FOXP2: variants seen among roughly 807,000 people sequenced by gnomAD.
The protein encoded by FOXP2 is forkhead box P2, also known as forkhead box protein P2.
In FOXP2, 12 loss-of-function variants were observed where a neutral mutation model predicts 115.8. The observed-to-expected ratio is 0.10, with a 90% CI of 0.07 to 0.17. The LOEUF is 0.17. Among genes scored for constraint, FOXP2 ranks in the 10% least tolerant of loss-of-function variants. FOXP2 has a pLI of 1.00. For synonymous variants in FOXP2, 328 were observed against 297.7 expected, an observed-to-expected ratio of 1.10 and a Z score of -1.05; for missense variants, 629 against 843.5, an observed-to-expected ratio of 0.75 and a Z score of 3.15.
intron 1 of FOXP2, among the ~76,000 whole-genome samples, chr7:114,134,709 T>C (rs1173882765): frequency 5.5e-5 from 2 of 36,460 alleles, no homozygotes; most frequent in Admixed American, 3.4e-4. Flanking sequence ...CGAGACTCCG[T>C]CTCAAAAAAA....
chr7:114,466,733 C>T (rs976985218), intron 2 of FOXP2, among the ~76,000 whole-genome samples: 24 of 152,114 alleles, frequency 1.6e-4, no homozygotes, highest in African/African-American at 5.3e-4. Context: ...TTTTAGGAAT[C>T]GTTGCCAGAT....
At chr7:114,322,512 T>A (rs1424999777) in intron 2 of FOXP2, among the ~76,000 whole-genome samples, 1 of 152,044 alleles carries the variant, frequency 6.6e-6, no homozygotes, top group East Asian at 2.0e-4. Context: ...TTACATTTAA[T>A]TTTCCCCTGC....
chr7:114,678,322 G>A (rs896092950), intron 16 of FOXP2, among the ~76,000 whole-genome samples: 1 of 152,116 alleles, frequency 6.6e-6, no homozygotes, highest in African/African-American at 2.4e-5. Context: ...CCTCAGGACA[G>A]GCAGCCTGCC....
At chr7:114,475,261 G>A (rs1031062861) in intron 2 of FOXP2, among the ~76,000 whole-genome samples, 5 of 151,940 alleles carry the variant, frequency 3.3e-5, no homozygotes, top group African/African-American at 9.7e-5. Flanking sequence ...ATGTGAGTCC[G>A]TTACTTGTCT....
At chr7:114,454,730 A>G (rs10281882) in intron 2 of FOXP2, among the ~76,000 whole-genome samples, 53,335 of 106,574 alleles carry the variant, frequency 0.5, 12,433 homozygotes, top group African/African-American at 0.7. Flanking sequence ...GGACATGGAT[A>G]AAATTGGAAA....
chr7:114,156,367 A>C (rs1792671200), intron 1 of FOXP2, among the ~76,000 whole-genome samples: 1 of 152,088 alleles, frequency 6.6e-6, no homozygotes, highest in Admixed American at 6.5e-5. Context: ...AGGAGTTCTG[A>C]AGCCAGCTAC....
intron 2 of FOXP2, among the ~76,000 whole-genome samples, chr7:114,365,834 T>TG (rs1791866144): frequency 3.9e-5 from 6 of 152,268 alleles, no homozygotes; most frequent in Non-Finnish European, 8.8e-5. Flanking sequence ...CAATTACATC[T>TG]CTACCATCTA....
At position 114,691,042 on chromosome 7, in the gene FOXP2, G is replaced by A. The variant is rs755885358; in HGVS notation, c.*1116G>A. ...GACAGAGGTGAGGACAAAATCCGCA[G>A]TGGAAGTTATGATATGCTAGAAAGC... On this transcript the variant is annotated 3_prime_UTR_variant, in exon 17 of 17. Transcript: ENST00000350908. 4 of 454,180 alleles carry A rather than the reference G, an allele frequency of 8.8e-6. No individual in the cohort carries two copies. Among genetic ancestry groups the A allele is most frequent in the South Asian group, 6.2e-5 (4 of 64,476 alleles). 28.1% of individuals were successfully genotyped at this position (454,180 alleles called of 1,614,324 possible).
At chr7:114,659,247 G>T (rs896743964) in intron 11 of FOXP2, 109 bp from the exon 12 acceptor site, 1 of 794,142 alleles carries the variant, frequency 1.3e-6, no homozygotes, top group South Asian at 1.5e-5. Context: ...TTCACTAGTC[G>T]GTGGCTTCCT....
At chr7:114,313,483 C>T (rs1797195657) in intron 2 of FOXP2, among the ~76,000 whole-genome samples, 1 of 53,888 alleles carries the variant, frequency 1.9e-5, no homozygotes, top group Non-Finnish European at 3.3e-5. Flanking sequence ...CGGTGGCTCA[C>T]GCCTGTAATC....
intron 2 of FOXP2, among the ~76,000 whole-genome samples, chr7:114,371,223 G>A (rs1791997411): frequency 6.6e-6 from 1 of 151,366 alleles, no homozygotes; most frequent in Non-Finnish European, 1.5e-5. Flanking sequence ...TGGAACTAGA[G>A]GCACATGCCA....
chr7:114,394,058 C>T (rs547682008), intron 2 of FOXP2, among the ~76,000 whole-genome samples: 2 of 151,594 alleles, frequency 1.3e-5, no homozygotes, highest in South Asian at 2.1e-4. Context: ...TGAAAGGTCC[C>T]GGAAACTGCA....
chr7:114,502,211 T>C (rs1034227217), intron 2 of FOXP2, among the ~76,000 whole-genome samples: 1 of 152,128 alleles, frequency 6.6e-6, no homozygotes, highest in African/African-American at 2.4e-5. Context: ...GTGCTAATGT[T>C]AAGCCTTATA....
At chr7:114,344,736 C>T (rs1156655297) in intron 2 of FOXP2, among the ~76,000 whole-genome samples, 2 of 151,744 alleles carry the variant, frequency 1.3e-5, no homozygotes, top group Admixed American at 1.3e-4. Context: ...TGATTGAATT[C>T]TTGTGAACTA....
intron 7 of FOXP2, among the ~76,000 whole-genome samples, 159 bp downstream of exon 7, chr7:114,642,782 AT>A (rs1300936825): frequency 6.3e-4 from 52 of 82,036 alleles, no homozygotes; most frequent in African/African-American, 3.3e-3. Flanking sequence ...TATATATAAT[AT>A]ATATATATAT....
intron 1 of FOXP2, among the ~76,000 whole-genome samples, chr7:114,157,547 C>T (rs1340864198): frequency 1.3e-5 from 2 of 152,032 alleles, no homozygotes; most frequent in African/African-American, 4.8e-5. Context: ...GAGGCAAATT[C>T]AATCCTAAGA....
chr7:114,210,261 G>C (rs1270830753), intron 1 of FOXP2, among the ~76,000 whole-genome samples: 1 of 152,104 alleles, frequency 6.6e-6, no homozygotes, highest in Non-Finnish European at 1.5e-5. Flanking sequence ...TCTCATCTTT[G>C]TGGGCTTATC....
chr7:114,407,737 T>G (rs1173866609), intron 2 of FOXP2, among the ~76,000 whole-genome samples: 1 of 152,192 alleles, frequency 6.6e-6, no homozygotes, highest in East Asian at 1.9e-4. Context: ...TAGGTTTTCC[T>G]TGACCTTTGT....
chr7:114,197,185 G>A (rs1166056318), intron 1 of FOXP2, among the ~76,000 whole-genome samples: 4 of 152,170 alleles, frequency 2.6e-5, no homozygotes, highest in Non-Finnish European at 5.9e-5. Context: ...ACTACACAGT[G>A]AGACCCTGTC....
Sources: gnomAD v4.1 joint callset for allele counts (sites outside exome capture counted in the v4.1 genomes callset) on GRCh38, gnomAD v4.1.1 for gene constraint, MANE v1.5 for transcripts, NCBI Gene and HGNC (gene_info 2026-07-23, HGNC 2026-07-21) for gene names.